Variants in DNAAF11 observed in about 807,000 individuals in gnomAD.
DNAAF11 encodes the protein leucine rich repeat containing 6.
In DNAAF11, 45 loss-of-function variants were observed where a neutral mutation model predicts 60.8. That is an observed-to-expected ratio of 0.74 (90% confidence interval 0.58 to 0.95). DNAAF11 has a LOEUF of 0.95. DNAAF11 is among the 40% of genes least tolerant of loss of function. DNAAF11 has a pLI of 0.00. For synonymous variants in DNAAF11, 191 were observed against 183.5 expected (o/e 1.04, Z -0.33); for missense variants, 546 against 546.2 (o/e 1.00, Z 0.00).
At chr8:132,585,770 ATGT>A (rs1334225213) in intron 10 of DNAAF11, among the ~76,000 whole-genome samples, 43 of 152,208 alleles carry the variant, frequency 2.8e-4, no homozygotes, top group African/African-American at 8.9e-4. Flanking sequence ...TAAGTCTAAA[ATGT>A]TGTATTTTCT....
At chr8:132,598,589 C>A (rs928759273) in intron 10 of DNAAF11, among the ~76,000 whole-genome samples, 3 of 152,148 alleles carry the variant, frequency 2.0e-5, no homozygotes, top group Non-Finnish European at 4.4e-5. Flanking sequence ...CAATATCTCC[C>A]AGACTGAAGG....
chr8:132,590,234 G>A (rs545779588), intron 10 of DNAAF11, among the ~76,000 whole-genome samples: 184 of 152,326 alleles, frequency 1.2e-3, no homozygotes, highest in African/African-American at 4.2e-3. Context: ...GCCAAGAACC[G>A]TACGTGCTTT....
chr8:132,643,009 C>A (rs1029351250), intron 3 of DNAAF11, among the ~76,000 whole-genome samples: 1 of 152,216 alleles, frequency 6.6e-6, no homozygotes, highest in Admixed American at 6.5e-5. Context: ...GGCATTAGTT[C>A]TCATACGAGC....
chr8:132,582,025 T>A (rs1439046328), intron 11 of DNAAF11, among the ~76,000 whole-genome samples: 1 of 152,098 alleles, frequency 6.6e-6, no homozygotes, highest in Non-Finnish European at 1.5e-5. Flanking sequence ...AACAAACCAC[T>A]CTGCCAAGAG....
At chr8:132,676,423 T>C (rs1299786676), upstream of DNAAF11, among the ~76,000 whole-genome samples, 1 of 152,198 alleles carries the variant, frequency 6.6e-6, no homozygotes, top group Admixed American at 6.5e-5. Flanking sequence ...TATTCTTTAC[T>C]CCATTTGCAG....
At chr8:132,629,855 G>T (rs984837797) in intron 5 of DNAAF11, among the ~76,000 whole-genome samples, 1 of 152,124 alleles carries the variant, frequency 6.6e-6, no homozygotes, top group Non-Finnish European at 1.5e-5. Flanking sequence ...GAAATAATTT[G>T]TCCCTTTAAA....
intron 11 of DNAAF11, chr8:132,578,379 C>T: frequency 3.0e-6 from 4 of 1,343,156 alleles, no homozygotes; most frequent in Non-Finnish European, 3.9e-6. Flanking sequence ...CAATAATCTC[C>T]AAAACAAAGT....
upstream of DNAAF11, among the ~76,000 whole-genome samples, chr8:132,680,524 A>C (rs1218829828): frequency 6.6e-6 from 1 of 152,006 alleles, no homozygotes; most frequent in African/African-American, 2.4e-5. Context: ...TTTTTATGAT[A>C]TGTAACCAAT....
chr8:132,690,973 T>C, the DNAAF11 span, among the ~76,000 whole-genome samples: 4 of 152,292 alleles, frequency 2.6e-5, no homozygotes, highest in South Asian at 8.3e-4. Flanking sequence ...GTCAGATTTC[T>C]TCTCTGTAAA....
chr8:132,650,781 G>A (rs969383392), intron 3 of DNAAF11, among the ~76,000 whole-genome samples: 9 of 151,804 alleles, frequency 5.9e-5, no homozygotes, highest in East Asian at 3.9e-4. Flanking sequence ...AGGAGGCTCC[G>A]GAAGACATTT....
chr8:132,611,495 T>C, intron 8 of DNAAF11, 132 bp from the exon 9 acceptor site: 1 of 519,836 alleles, frequency 1.9e-6, no homozygotes, highest in Non-Finnish European at 3.4e-6. Context: ...AATGGGTCTT[T>C]AAAAAATTAG....
chr8:132,640,368 C>T (rs1179518375), intron 3 of DNAAF11, among the ~76,000 whole-genome samples: 1 of 152,054 alleles, frequency 6.6e-6, no homozygotes. Flanking sequence ...TTTAACTAAC[C>T]CCAGATTCTG....
At chr8:132,581,014 G>C (rs1309797599) in intron 11 of DNAAF11, among the ~76,000 whole-genome samples, 2 of 152,126 alleles carry the variant, frequency 1.3e-5, no homozygotes, top group Non-Finnish European at 2.9e-5. Flanking sequence ...GTGGACTCCT[G>C]GTCTACGACA....
At chr8:132,592,266 T>C (rs75484498) in intron 10 of DNAAF11, among the ~76,000 whole-genome samples, 2 of 152,172 alleles carry the variant, frequency 1.3e-5, no homozygotes, top group Non-Finnish European at 2.9e-5. Context: ...TAAACGCAGC[T>C]TGCTGTAGGA....
chr8:132,702,130 C>T, the DNAAF11 span: 2 of 152,026 alleles, frequency 1.3e-5, no homozygotes, highest in African/African-American at 4.8e-5. Flanking sequence ...TTTCTCATGC[C>T]ACTATATAAG....
At chr8:132,582,947 T>C (rs1435618157) in intron 11 of DNAAF11, among the ~76,000 whole-genome samples, 1 of 152,132 alleles carries the variant, frequency 6.6e-6, no homozygotes, top group Non-Finnish European at 1.5e-5. Flanking sequence ...TTTGTGCAAA[T>C]TACTTTAAGG....
At chr8:132,663,842 A>G (rs1481511058) in intron 1 of DNAAF11, among the ~76,000 whole-genome samples, 3 of 152,212 alleles carry the variant, frequency 2.0e-5, no homozygotes, top group Non-Finnish European at 4.4e-5. Flanking sequence ...TACATATCCC[A>G]ACGCCTAAGG....
intron 3 of DNAAF11, among the ~76,000 whole-genome samples, chr8:132,651,621 AGTGAC>A (rs1313028148): frequency 3.9e-5 from 6 of 152,138 alleles, no homozygotes; most frequent in Non-Finnish European, 8.8e-5. Flanking sequence ...AAAAGACAAT[AGTGAC>A]GATGCTGCCC....
At chr8:132,675,237 C>T (rs1418027579) in intron 1 of DNAAF11, 2 of 438,548 alleles carry the variant, frequency 4.6e-6, no homozygotes, top group Non-Finnish European at 8.3e-6. Context: ...CTCTTCCTCC[C>T]CTTCCCACGG....
Sources: gnomAD v4.1 joint callset for allele counts (sites outside exome capture counted in the v4.1 genomes callset) on GRCh38, gnomAD v4.1.1 for gene constraint, MANE v1.5 for transcripts, NCBI Gene and HGNC (gene_info 2026-07-23, HGNC 2026-07-21) for gene names.